The following ODF2L variants were observed in gnomAD, a reference collection of about 807,000 sequenced individuals.
ODF2L encodes protein BCAP.
ODF2L carries 76 observed loss-of-function variants against 86.3 expected under a neutral mutation model. The ratio of observed to expected loss-of-function variants is 0.88; its 90% CI spans 0.73 to 1.07. ODF2L has a LOEUF of 1.07. ODF2L is among the 50% of genes least tolerant of loss of function. The pLI is 0.00. For missense variants in ODF2L, 748 were observed against 717.4 expected (o/e 1.04, Z -0.49); for synonymous variants, 241 against 231.3 (o/e 1.04, Z -0.38).
At chr1:86,392,164 C>T (rs1228054874) in intron 1 of ODF2L, among the ~76,000 whole-genome samples, 1 of 152,068 alleles carries the variant, frequency 6.6e-6, no homozygotes, top group Non-Finnish European at 1.5e-5. Context: ...GCAAGCACAG[C>T]CATAATCAAA....
At chr1:86,363,959 A>G (rs1170431301) in intron 11 of ODF2L, among the ~76,000 whole-genome samples, 1 of 152,082 alleles carries the variant, frequency 6.6e-6, no homozygotes, top group Non-Finnish European at 1.5e-5. Flanking sequence ...ACAAACATCT[A>G]GGCTGCAAAA....
rs766862866 is a variant in ODF2L at position 86,376,222 on chromosome 1, C to T, written c.810+11G>A. The T allele has an allele frequency of 1.3e-6, 2 of 1,498,052 alleles. No homozygotes were observed. Among genetic ancestry groups the T allele is most frequent in the Non-Finnish European group, 1.8e-6 (2 of 1,082,944 alleles). 92.8% of individuals were successfully genotyped at this position (1,498,052 alleles called of 1,614,324 possible). Reference sequence around the variant, plus strand: ...AGATCTTTTAATTTTAAAAAGAATGCATTTACATACCTGATCTCTAATTTG... The same window carrying T: ...AGATCTTTTAATTTTAAAAAGAATGTATTTACATACCTGATCTCTAATTTG... On this transcript the variant is annotated intron_variant, in intron 8 of 17. Coordinates refer to ENST00000317336, the Ensembl canonical transcript of ODF2L.
At chr1:86,382,434 A>G in intron 6 of ODF2L, 76 bp from the exon 7 acceptor site, 1 of 1,575,200 alleles carries the variant, frequency 6.3e-7, no homozygotes, top group East Asian at 2.3e-5. Flanking sequence ...CTTTAATTTT[A>G]CCCTGATTTA....
intron 16 of ODF2L, 93 bp from the exon 16 acceptor site, chr1:86,353,077 A>G: frequency 2.5e-6 from 2 of 794,952 alleles, no homozygotes; most frequent in East Asian, 5.4e-5. Context: ...TTCTAAACAG[A>G]TATTACTTGT....
In ODF2L at chr1:86,361,714, T is replaced by C. The variant is rs12039899; in HGVS notation, c.1144-1178A>G. Among the ~76,000 whole-genome samples the C allele has an allele frequency of 0.011, 1,708 of 152,238 alleles. 69 individuals carry two copies. The East Asian group carries it at 0.12, about 10-fold the overall frequency. ...AAATATAAGATTAATATCCTTAATA[T>C]AGTTATTATATATTAATTAGGACAA... On this transcript the variant is annotated intron_variant, in intron 11 of 17. Transcript: ENST00000317336.
intron 3 of ODF2L, 105 bp from the exon 4 acceptor site, chr1:86,384,906 T>C (rs1660836840): frequency 3.6e-6 from 3 of 829,864 alleles, no homozygotes; most frequent in African/African-American, 3.6e-5. Context: ...ACAAAATCAT[T>C]CTTTTGTGCA....
rs373988527 is a variant in ODF2L at position 86,372,549 on chromosome 1, T to C, written c.811-9A>G. 2.4e-5 allele frequency: 33 copies of C among 1,360,364 alleles called. 1 individual carries two copies. The highest frequency in any genetic ancestry group is 5.2e-5 in the Admixed American group (2 of 38,158). 84.3% of individuals were successfully genotyped at this position (1,360,364 alleles called of 1,614,324 possible). ...TCAGACAACTTGGCTTCCTAAAAAA[T>C]ACATAAAAGTATTCATACTATAATT... On this transcript the variant is annotated splice_polypyrimidine_tract_variant and intron_variant, in intron 8 of 17. Transcript: ENST00000317336.
intron 7 of ODF2L, among the ~76,000 whole-genome samples, chr1:86,378,818 A>G (rs752067496): frequency 6.6e-6 from 1 of 152,026 alleles, no homozygotes; most frequent in Non-Finnish European, 1.5e-5. Context: ...ATTACAATTC[A>G]AGATGAGATT....
intron 7 of ODF2L, among the ~76,000 whole-genome samples, chr1:86,377,444 A>C (rs182595232): frequency 6.6e-6 from 1 of 152,158 alleles, no homozygotes; most frequent in African/African-American, 2.4e-5. Context: ...TCACAGCTCC[A>C]CTAGGCAGTG....
At chr1:86,378,240 G>A (rs775577674) in intron 7 of ODF2L, among the ~76,000 whole-genome samples, 1 of 152,086 alleles carries the variant, frequency 6.6e-6, no homozygotes, top group East Asian at 1.9e-4. Context: ...CTTTATTCCA[G>A]TTCCCAAGAA....
At position 86,354,710 on chromosome 1, in the gene ODF2L, A is replaced by G. The variant is rs781489226; in HGVS notation, c.1605-18T>C. On this transcript the variant is annotated intron_variant, in intron 15 of 17. Transcript: ENST00000317336. The stretch of plus-strand genomic sequence containing the variant: ...CTAATTTTCTTTTTACAGAAAACAT[A>G]TATTTTAAAATGTTAATGTGCAGAG... 7.1e-5 allele frequency: 112 copies of G among 1,581,788 alleles called. No homozygotes were observed. The highest frequency in any genetic ancestry group is 9.2e-5 in the Non-Finnish European group (106 of 1,154,312).
At chr1:86,355,249 T>G (rs1658451834) in intron 14 of ODF2L, 1 of 791,626 alleles carries the variant, frequency 1.3e-6, no homozygotes, top group Admixed American at 2.5e-5. Flanking sequence ...CTAAAAATAC[T>G]GATTAATAAT....
chr1:86,350,419 C>T (rs1006379929), exon 18 of ODF2L: 10 of 152,176 alleles, frequency 6.6e-5, no homozygotes, highest in African/African-American at 2.2e-4. Context: ...CATGTCCCTG[C>T]AAAGGACATG....
intron 7 of ODF2L, 101 bp downstream of exon 7, chr1:86,382,141 G>T: frequency 7.3e-7 from 1 of 1,368,546 alleles, no homozygotes; most frequent in South Asian, 1.8e-5. Flanking sequence ...CAACAACTGT[G>T]TATTTTAAAA....
rs2100712649 is a variant in ODF2L at position 86,352,712 on chromosome 1, C to T, written c.1893+147G>A. The T allele has an allele frequency of 8.1e-6, 4 of 496,828 alleles. No homozygotes were observed. In the East Asian group the frequency reaches 1.1e-4, roughly 14 times the overall value. The allele number at this position is 496,828 out of a possible 1,614,324, so 30.8% of individuals were successfully genotyped here. A position where few individuals can be genotyped will look rare whatever the true frequency, so the allele number is the denominator to read the frequency against. On this transcript the variant is annotated intron_variant, in intron 17 of 17. Transcript: ENST00000317336. ...TAATAAATTATTTGGCATATCATAA[C>T]ATTTTTATTTGTTATGTCTTATATT...
intron 7 of ODF2L, among the ~76,000 whole-genome samples, chr1:86,376,955 C>T (rs958100981): frequency 6.6e-6 from 1 of 152,170 alleles, no homozygotes; most frequent in Non-Finnish European, 1.5e-5. Context: ...TTCCAACAGT[C>T]CTCCAAAGTC....
At chr1:86,385,704 T>C (rs1558059528) in intron 2 of ODF2L, 114 bp from the exon 3 acceptor site, 5 of 677,998 alleles carry the variant, frequency 7.4e-6, no homozygotes, top group Non-Finnish European at 1.2e-5. Flanking sequence ...AACTTTTAGT[T>C]CAAAAGTAGC....
chr1:86,366,549 T>C lies in ODF2L; in HGVS notation c.1143+2087A>G, dbSNP rs535230809. 1.2e-4 allele frequency among the ~76,000 whole-genome samples: 18 copies of C among 150,060 alleles called. 1 individual carries two copies. In the South Asian group the frequency reaches 3.4e-3, roughly 28 times the overall value. ...TGAGCCTGGGAGGTCAAGGCTGCAGTGAGTTCTGATCGTGCCACTGCACTC... is the reference window on the plus strand; with the variant it reads ...TGAGCCTGGGAGGTCAAGGCTGCAGCGAGTTCTGATCGTGCCACTGCACTC... On this transcript the variant is annotated intron_variant, in intron 11 of 17. Coordinates refer to ENST00000317336, the Ensembl canonical transcript of ODF2L.
chr1:86,384,701 A>C (rs1197543503), exon 4 of ODF2L: 1 of 1,513,146 alleles, frequency 6.6e-7, no homozygotes, highest in Non-Finnish European at 8.8e-7. Flanking sequence ...CTTTCTAAGA[A>C]GATGTTCTAA....
Sources: allele counts gnomAD v4.1 joint callset (sites outside exome capture counted in the v4.1 genomes callset), GRCh38; gene constraint gnomAD v4.1.1; transcripts MANE v1.5; gene names NCBI Gene and HGNC (gene_info 2026-07-23, HGNC 2026-07-21).